The following TMIGD1 variants were observed in gnomAD, a reference collection of about 807,000 sequenced individuals.
The protein encoded by TMIGD1 is transmembrane and immunoglobulin domain containing 1.
A neutral mutation model predicts 27.5 loss-of-function variants in TMIGD1; 29 were observed. The observed-to-expected ratio is 1.05, with a 90% confidence interval of 0.78 to 1.44. The LOEUF (loss-of-function observed/expected upper bound fraction) is 1.44. TMIGD1 is among the 40% of genes most tolerant of loss of function. The probability of loss-of-function intolerance (pLI) is 0.00; values close to 1 mark genes in which losing one functional copy is unlikely to be tolerated. For synonymous variants in TMIGD1, 109 were observed against 110.3 expected (o/e 0.99, Z 0.07); for missense variants, 334 against 310.6 (o/e 1.08, Z -0.57).
In TMIGD1 at chr17:30,316,462, C is replaced by A; in HGVS notation, c.*225G>T. The A allele has an allele frequency of 2.0e-6, 1 of 498,806 alleles. No individual in the cohort carries two copies. The allele number at this position is 498,806 out of a possible 1,614,324, so 30.9% of individuals were successfully genotyped here. A position where few individuals can be genotyped will look rare whatever the true frequency, so the allele number is the denominator to read the frequency against. On this transcript the variant is annotated 3_prime_UTR_variant, in exon 7 of 7. Transcript: ENST00000328886. ...AATCTCAATTAATTAACATATACTT[C>A]AAGGAGAAGACTTAACAAAATCTTA...
Position 30,329,412 on chromosome 17 carries a change from C to T in TMIGD1, c.200G>A (p.Trp67Ter). Residue 67 changes from tryptophan to a stop codon, truncating the protein, a stop_gained, in exon 3 of 7, where the codon TGG becomes TAG. Coordinates refer to ENST00000328886, the MANE Select transcript of TMIGD1 (RefSeq NM_206832.3). LOFTEE classifies it high-confidence loss of function. ...ATCCACTCTCCCCTCCTCTCGGTAC[C>T]AGAGCAGTTCTTCCTCTCTGGTGTG... ...QNHTREEELL[W>*]YREEGRVDLK... is the part of the protein sequence containing the mutation. The T allele has an allele frequency of 6.2e-7, 1 of 1,614,198 alleles. No homozygotes were observed. Among genetic ancestry groups the T allele is most frequent in the African/African-American group, 1.3e-5 (1 of 75,038 alleles).
At chr17:30,324,677 C>T in intron 4 of TMIGD1, 139 bp downstream of exon 4, 1 of 1,043,212 alleles carries the variant, frequency 9.6e-7, no homozygotes, top group Non-Finnish European at 1.4e-6. Flanking sequence ...TGGAAAAATC[C>T]TTGGATGGGG....
intron 2 of TMIGD1, among the ~76,000 whole-genome samples, chr17:30,329,841 CG>C (rs1909915556): frequency 1.3e-5 from 2 of 151,540 alleles, no homozygotes; most frequent in South Asian, 4.2e-4. Flanking sequence ...GAGGTAGAGG[CG>C]GGAGGATCGC....
At chr17:30,333,749 C>T (rs570234623) in intron 1 of TMIGD1, among the ~76,000 whole-genome samples, 3 of 152,020 alleles carry the variant, frequency 2.0e-5, no homozygotes, top group Non-Finnish European at 4.4e-5. Flanking sequence ...AGTGTTGTAA[C>T]AGTGATTACT....
intron 6 of TMIGD1, chr17:30,316,961 C>A: frequency 1.6e-6 from 1 of 626,568 alleles, no homozygotes; most frequent in South Asian, 1.9e-5. Context: ...AAACATTGGG[C>A]AAACTCACTT....
intron 3 of TMIGD1, among the ~76,000 whole-genome samples, chr17:30,326,884 T>C (rs1008268725): frequency 1.3e-5 from 2 of 152,208 alleles, no homozygotes; most frequent in Non-Finnish European, 2.9e-5. Context: ...CAGTGTATTA[T>C]CAAGCTTCCA....
chr17:30,319,590 A>G (rs1909551541), intron 4 of TMIGD1, among the ~76,000 whole-genome samples: 1 of 151,992 alleles, frequency 6.6e-6, no homozygotes, highest in South Asian at 2.1e-4. Context: ...TGCCACACAC[A>G]GAGCAGAAGT....
At chr17:30,331,826 G>A (rs1909987844) in intron 2 of TMIGD1, among the ~76,000 whole-genome samples, 1 of 152,146 alleles carries the variant, frequency 6.6e-6, no homozygotes, top group African/African-American at 2.4e-5. Context: ...CTGACCTCAT[G>A]ATTCACCTGC....
chr17:30,327,542 G>C (rs6505175), intron 3 of TMIGD1, among the ~76,000 whole-genome samples: 1 of 152,170 alleles, frequency 6.6e-6, no homozygotes, highest in African/African-American at 2.4e-5. Flanking sequence ...TCCTTAGCTG[G>C]CTTTTTATTT....
intron 3 of TMIGD1, among the ~76,000 whole-genome samples, chr17:30,325,466 T>C (rs1207044187): frequency 6.6e-6 from 1 of 152,102 alleles, no homozygotes; most frequent in Non-Finnish European, 1.5e-5. Flanking sequence ...CAGTACAAAA[T>C]TAAGAAGACA....
chr17:30,333,976 A>G (rs545687830), intron 1 of TMIGD1, 24 bp downstream of exon 1: 11 of 152,252 alleles, frequency 7.2e-5, no homozygotes, highest in East Asian at 1.9e-4. Context: ...TCTACTTTCT[A>G]TATAAGACAG....
At chr17:30,328,110 T>C (rs1482242430) in intron 3 of TMIGD1, among the ~76,000 whole-genome samples, 2 of 151,564 alleles carry the variant, frequency 1.3e-5, no homozygotes, top group Non-Finnish European at 2.9e-5. Context: ...TCTCAGCTCA[T>C]TGCAACCTCT....
Position 30,318,801 on chromosome 17 carries a change from C to A in TMIGD1, c.744+9G>T, listed in dbSNP as rs375101785. ...CTTTTTACTTAAATAGCTCAGAATACTTAGATACCTTCATTATTTTCTTTC... is the reference window on the plus strand; with the variant it reads ...CTTTTTACTTAAATAGCTCAGAATAATTAGATACCTTCATTATTTTCTTTC... On this transcript the variant is annotated intron_variant, in intron 5 of 6. Coordinates refer to ENST00000328886, the MANE Select transcript of TMIGD1 (RefSeq NM_206832.3). The A allele has an allele frequency of 4.4e-6, 7 of 1,591,622 alleles. No individual in the cohort carries two copies. The highest frequency in any genetic ancestry group is 4.5e-5 in the East Asian group (2 of 44,752).
At chr17:30,333,112 G>T (rs1473289028) in intron 1 of TMIGD1, among the ~76,000 whole-genome samples, 2 of 152,008 alleles carry the variant, frequency 1.3e-5, no homozygotes, top group African/African-American at 4.8e-5. Flanking sequence ...CTACTGCCTA[G>T]ATTAATATTC....
chr17:30,317,490 G>GA lies in TMIGD1; in HGVS notation c.745-258_745-257insT, dbSNP rs1909454242. Among the ~76,000 whole-genome samples the GA allele has an allele frequency of 1.3e-5, 2 of 152,154 alleles. 1 individual carries two copies. The highest frequency in any genetic ancestry group is 4.1e-4 in the South Asian group (2 of 4,834). On this transcript the variant is annotated intron_variant, in intron 5 of 6. Coordinates refer to ENST00000328886, the MANE Select transcript of TMIGD1 (RefSeq NM_206832.3). ...AAAAAAAAATGCGGCCGAGTGCAGT[G>GA]GCTCACACCTGTAATCCCAGAACTT...
chr17:30,324,913 T>G lies in TMIGD1; in HGVS notation c.543A>C (p.Ser181=). The change falls in exon 4 of 7, where the codon TCA becomes TCC. Residue 181 remains serine, a synonymous_variant. Transcript: ENST00000328886. ...TGTCAGGCTTCTCGACTTTGGTGAT[T>G]GACAGCTGAAAAGACTCACTTGTCT... ...IQQTSESFQL[S]ITKVEKPDNG... 6.2e-7 allele frequency: 1 copy of G among 1,614,202 alleles called. No individual in the cohort carries two copies. The highest frequency in any genetic ancestry group is 1.1e-5 in the South Asian group (1 of 91,088).
intron 3 of TMIGD1, among the ~76,000 whole-genome samples, chr17:30,326,929 G>A (rs1291456439): frequency 1.3e-5 from 2 of 152,054 alleles, no homozygotes; most frequent in Non-Finnish European, 2.9e-5. Flanking sequence ...TAACAATAAT[G>A]GTCCTGCCTT....
intron 2 of TMIGD1, among the ~76,000 whole-genome samples, chr17:30,329,732 A>G (rs1168821390): frequency 6.6e-6 from 1 of 152,126 alleles, no homozygotes; most frequent in Non-Finnish European, 1.5e-5. Context: ...AAAGATTAAA[A>G]TGTGGTCATC....
chr17:30,321,151 C>A (rs1038922326), intron 4 of TMIGD1, among the ~76,000 whole-genome samples: 2 of 151,532 alleles, frequency 1.3e-5, no homozygotes, highest in Non-Finnish European at 2.9e-5. Flanking sequence ...AGCCACCATG[C>A]CTGGCCAACC....
Sources: allele counts gnomAD v4.1 joint callset (sites outside exome capture counted in the v4.1 genomes callset), GRCh38; gene constraint gnomAD v4.1.1; transcripts MANE v1.5; gene names NCBI Gene and HGNC (gene_info 2026-07-23, HGNC 2026-07-21).